AARS1: variants seen among roughly 807,000 people sequenced by gnomAD.
AARS1 encodes the protein alanyl-tRNA synthetase 1.
A neutral mutation model predicts 108.9 loss-of-function variants in AARS1; 72 were observed. The ratio of observed to expected loss-of-function variants is 0.66; its 90% CI spans 0.55 to 0.80. AARS1 has a LOEUF of 0.80. AARS1 is among the 30% of genes least tolerant of loss of function. The pLI is 0.00. For missense variants in AARS1, 1,193 were observed against 1,233.2 expected (o/e 0.97, Z 0.49); for synonymous variants, 489 against 465.7 (o/e 1.05, Z -0.64).
chr16:70,271,460 A>G (rs1044477429), intron 5 of AARS1, among the ~76,000 whole-genome samples: 1 of 151,742 alleles, frequency 6.6e-6, no homozygotes, highest in African/African-American at 2.4e-5. Flanking sequence ...CCCAGGGCAC[A>G]GATGTTGCAG....
At chr16:70,287,719 G>A (rs1280274847) in intron 1 of AARS1, among the ~76,000 whole-genome samples, 1 of 152,058 alleles carries the variant, frequency 6.6e-6, no homozygotes, top group Non-Finnish European at 1.5e-5. Context: ...TTCCAGCCTA[G>A]GTAACAGGGT....
chr16:70,260,205 T>C (rs919346109), intron 13 of AARS1, among the ~76,000 whole-genome samples: 2 of 152,184 alleles, frequency 1.3e-5, no homozygotes, highest in African/African-American at 4.8e-5. Flanking sequence ...ATATTTAGTA[T>C]CCAGTTATTT....
chr16:70,263,974 G>C (rs543504169), intron 11 of AARS1, among the ~76,000 whole-genome samples: 1 of 152,038 alleles, frequency 6.6e-6, no homozygotes, highest in Non-Finnish European at 1.5e-5. Context: ...CCGGTCGGGC[G>C]AGATGGCTTA....
chr16:70,258,128 C>T lies in AARS1; in HGVS notation c.2082G>A (p.Val694=), dbSNP rs1960037082. ...AVFDETYPDP[V]RVVSIGVPVS... The stretch of plus-strand genomic sequence containing the variant: ...CCGGGACCCCAATGGAGACGACTCG[C>T]ACAGGGTCAGGATAGGTCTCATCAA... The change falls in exon 15 of 21, where the codon GTG becomes GTA. Residue 694 remains valine, a synonymous_variant. Transcript: ENST00000261772. The T allele has an allele frequency of 3.1e-6, 5 of 1,613,404 alleles. No individual in the cohort carries two copies. Among genetic ancestry groups the T allele is most frequent in the African/African-American group, 1.3e-5 (1 of 75,024 alleles).
chr16:70,274,358 A>T (rs916550403), intron 4 of AARS1, among the ~76,000 whole-genome samples: 2 of 151,586 alleles, frequency 1.3e-5, no homozygotes, highest in Non-Finnish European at 2.9e-5. Context: ...AGAAAAAAAA[A>T]TTTCCTTTCT....
At chr16:70,280,156 A>G (rs145403494) in intron 2 of AARS1, among the ~76,000 whole-genome samples, 1 of 152,192 alleles carries the variant, frequency 6.6e-6, no homozygotes, top group African/African-American at 2.4e-5. Flanking sequence ...GGCTCAAGCA[A>G]TCCTCTTACT....
intron 6 of AARS1, 145 bp from the exon 7 acceptor site, chr16:70,269,908 G>T (rs1158390601): frequency 7.8e-6 from 9 of 1,151,922 alleles, no homozygotes; most frequent in Non-Finnish European, 1.3e-6. Flanking sequence ...ACGTGACATT[G>T]GGGAAGTAGA....
chr16:70,269,676 C>A lies in AARS1; in HGVS notation c.904G>T (p.Ala302Ser). Reference protein sequence around the residue: ...DMAYRVLADHARTITVALADG... With the variant: ...DMAYRVLADHSRTITVALADG... ...GCCAGTGCCACAGTGATGGTCCGAG[C>A]GTGGTCAGCCAGCACCCGGTAGGCC... Residue 302 changes from alanine (A) to serine (S), a missense_variant, in exon 7 of 21, where the codon GCT becomes TCT. Coordinates refer to ENST00000261772, the MANE Select transcript of AARS1 (RefSeq NM_001605.3). 6.2e-7 allele frequency: 1 copy of A among 1,614,148 alleles called. No individual in the cohort carries two copies.
chr16:70,276,229 T>A (rs1401764405), intron 4 of AARS1: 1 of 219,390 alleles, frequency 4.6e-6, no homozygotes, highest in Non-Finnish European at 9.0e-6. Context: ...AATAAATAAA[T>A]AAATAAATAA....
chr16:70,282,226 G>A (rs1960714037), intron 2 of AARS1, among the ~76,000 whole-genome samples: 1 of 151,828 alleles, frequency 6.6e-6, no homozygotes, highest in Non-Finnish European at 1.5e-5. Context: ...CTACTCGGGA[G>A]GCTGGGGCAG....
At position 70,254,606 on chromosome 16, in the gene AARS1, G is replaced by A. The variant is rs893389199; in HGVS notation, c.2400+15C>T. On this transcript the variant is annotated intron_variant, in intron 17 of 20. Transcript: ENST00000261772. ...CACCAGGCCCTGAGGACGGAGGGAG[G>A]GAAGCCGCCCCTACCTCTCCAAGGT... The A allele has an allele frequency of 1.9e-6, 3 of 1,585,904 alleles. No homozygotes were observed. The highest frequency in any genetic ancestry group is 2.2e-5 in the East Asian group (1 of 44,708).
In AARS1 at chr16:70,258,053, A is replaced by G. The variant is rs1175999362; in HGVS notation, c.2157T>C (p.Ser719=). ...CTCACGTTCCCCCACAGAACTCAAC[A>G]GAAGTCAGGGAGCCAGCAGGCCCAG... is the stretch of plus-strand genomic sequence containing the variant. ...DPSGPAGSLT[S]VEFCGGTHLR... Residue 719 remains serine, a synonymous_variant, in exon 15 of 21, where the codon TCT becomes TCC. Coordinates refer to ENST00000261772, the MANE Select transcript of AARS1 (RefSeq NM_001605.3). The G allele has an allele frequency of 6.2e-7, 1 of 1,614,188 alleles. No homozygotes were observed. Among genetic ancestry groups the G allele is most frequent in the Admixed American group, 1.7e-5 (1 of 60,020 alleles).
chr16:70,258,635 G>A (rs1484573701), intron 14 of AARS1, among the ~76,000 whole-genome samples: 1 of 151,856 alleles, frequency 6.6e-6, no homozygotes, highest in African/African-American at 2.4e-5. Flanking sequence ...GCGCAATCTC[G>A]GCTCACTGCA....
At chr16:70,255,588 C>T (rs1424609312) in intron 16 of AARS1, 140 bp downstream of exon 16, 2 of 752,300 alleles carry the variant, frequency 2.7e-6, no homozygotes, top group East Asian at 5.4e-5. Context: ...GGGTAGGACA[C>T]TGGGGCAGGG....
In AARS1 at chr16:70,282,615, C is replaced by G; in HGVS notation, c.144+5G>C. On this transcript the variant is annotated splice_donor_5th_base_variant and intron_variant, in intron 2 of 20. Coordinates refer to ENST00000261772, the MANE Select transcript of AARS1 (RefSeq NM_001605.3). ...AAAAGCCAAGAAAAAAGGAAAAACCCTTACCTGGTTCATGCCTGCATTGGC... is the reference window on the plus strand; with the variant it reads ...AAAAGCCAAGAAAAAAGGAAAAACCGTTACCTGGTTCATGCCTGCATTGGC... The G allele has an allele frequency of 1.2e-6, 2 of 1,614,098 alleles. No homozygotes were observed. Among genetic ancestry groups the G allele is most frequent in the Non-Finnish European group, 1.7e-6 (2 of 1,180,016 alleles).
intron 2 of AARS1, among the ~76,000 whole-genome samples, chr16:70,278,876 G>A (rs573068311): frequency 1.3e-5 from 2 of 152,132 alleles, no homozygotes; most frequent in Non-Finnish European, 2.9e-5. Context: ...GACTATCTGG[G>A]TTCAAGTCCA....
intron 19 of AARS1, 77 bp from the exon 20 acceptor site, chr16:70,253,458 A>T: frequency 7.8e-7 from 1 of 1,279,384 alleles, no homozygotes; most frequent in Non-Finnish European, 1.1e-6. Context: ...AGCCCTCAGA[A>T]GGCCTGCCAC....
At chr16:70,269,094 C>T (rs1335561787) in intron 7 of AARS1, among the ~76,000 whole-genome samples, 5 of 151,910 alleles carry the variant, frequency 3.3e-5, no homozygotes, top group East Asian at 3.9e-4. Flanking sequence ...GAGGCCGAGG[C>T]GGGCGGATCA....
intron 1 of AARS1, among the ~76,000 whole-genome samples, chr16:70,288,436 C>G (rs570311310): frequency 1.3e-5 from 2 of 151,744 alleles, no homozygotes; most frequent in African/African-American, 4.8e-5. Context: ...AAGGCTCCCC[C>G]TCTTTTACTG....
Sources: gnomAD v4.1 joint callset for allele counts (sites outside exome capture counted in the v4.1 genomes callset) on GRCh38, gnomAD v4.1.1 for gene constraint, MANE v1.5 for transcripts, NCBI Gene and HGNC (gene_info 2026-07-23, HGNC 2026-07-21) for gene names.